Variants in KCMF1 observed in about 807,000 individuals in gnomAD.
KCMF1 encodes the protein potassium channel modulatory factor 1.
Under a neutral mutation model 41.1 loss-of-function variants are expected in KCMF1, and 3 were observed. The observed-to-expected ratio is 0.07, with a 90% CI of 0.03 to 0.19. The LOEUF is 0.19. Among genes scored for constraint, KCMF1 ranks in the 10% least tolerant of loss-of-function variants. KCMF1 has a pLI of 1.00. For missense variants in KCMF1, 286 were observed against 488.9 expected, an observed-to-expected ratio of 0.58 and a Z score of 3.91; for synonymous variants, 142 against 164.5, an observed-to-expected ratio of 0.86 and a Z score of 1.04.
At chr2:85,038,479 C>G (rs1337834015) in intron 3 of KCMF1, among the ~76,000 whole-genome samples, 1 of 152,150 alleles carries the variant, frequency 6.6e-6, no homozygotes, top group African/African-American at 2.4e-5. Flanking sequence ...GAATTTCAGT[C>G]TTGTATTCAT....
chr2:85,041,005 C>T (rs934820976), intron 3 of KCMF1, among the ~76,000 whole-genome samples: 2 of 151,968 alleles, frequency 1.3e-5, no homozygotes, highest in Non-Finnish European at 2.9e-5. Context: ...TGTGATCCAC[C>T]CACCTCAGCC....
intron 1 of KCMF1, among the ~76,000 whole-genome samples, chr2:85,005,140 C>T (rs1674435652): frequency 6.6e-6 from 1 of 152,114 alleles, no homozygotes; most frequent in Non-Finnish European, 1.5e-5. Context: ...CTCCTGACCT[C>T]ACAAGATCCA....
intron 1 of KCMF1, among the ~76,000 whole-genome samples, chr2:85,001,884 A>G (rs150885325): frequency 6.0e-4 from 91 of 152,304 alleles, no homozygotes; most frequent in African/African-American, 2.2e-3. Context: ...GGCTATATGG[A>G]TAGCTTGTTG....
chr2:85,011,673 A>G (rs553313060), intron 1 of KCMF1, among the ~76,000 whole-genome samples: 1 of 152,304 alleles, frequency 6.6e-6, no homozygotes, highest in African/African-American at 2.4e-5. Flanking sequence ...TGCCAGAAAG[A>G]TGCTGACCTC....
At chr2:85,031,446 C>T (rs958371134) in intron 2 of KCMF1, among the ~76,000 whole-genome samples, 1 of 152,068 alleles carries the variant, frequency 6.6e-6, no homozygotes, top group African/African-American at 2.4e-5. Flanking sequence ...AATATATGTT[C>T]AGTAGAAACA....
At chr2:85,007,629 G>A (rs1674504890) in intron 1 of KCMF1, among the ~76,000 whole-genome samples, 1 of 152,204 alleles carries the variant, frequency 6.6e-6, no homozygotes. Context: ...CATCACTTGG[G>A]CAGGACCAGC....
At chr2:85,043,742 A>T in intron 4 of KCMF1, 77 bp downstream of exon 4, 1 of 1,008,944 alleles carries the variant, frequency 9.9e-7, no homozygotes, top group Non-Finnish European at 1.5e-6. Context: ...TGGAGACAAG[A>T]TCTCGCTGTG....
intron 2 of KCMF1, among the ~76,000 whole-genome samples, chr2:85,028,954 A>G (rs1574033836): frequency 6.6e-6 from 1 of 152,084 alleles, no homozygotes; most frequent in East Asian, 1.9e-4. Context: ...ACACACAAAT[A>G]ATAGCTTTAT....
intron 2 of KCMF1, among the ~76,000 whole-genome samples, chr2:85,032,663 C>A (rs1396215077): frequency 6.6e-6 from 1 of 152,162 alleles, no homozygotes; most frequent in Non-Finnish European, 1.5e-5. Flanking sequence ...AGATGTGAGC[C>A]ACCAAGCCCA....
chr2:85,050,253 TA>T, intron 6 of KCMF1, among the ~76,000 whole-genome samples: 1 of 152,340 alleles, frequency 6.6e-6, no homozygotes. Flanking sequence ...ATTATATATA[TA>T]TGGTTCATAT....
At chr2:85,000,911 T>C (rs536736225) in intron 1 of KCMF1, among the ~76,000 whole-genome samples, 3 of 151,660 alleles carry the variant, frequency 2.0e-5, no homozygotes, top group East Asian at 3.9e-4. Context: ...CCTGAGTAGG[T>C]AGGGCTACAG....
intron 2 of KCMF1, among the ~76,000 whole-genome samples, chr2:85,028,837 T>C (rs562995256): frequency 1.1e-4 from 16 of 152,306 alleles, no homozygotes; most frequent in African/African-American, 3.8e-4. Flanking sequence ...AATCATAGTT[T>C]ACTTGTTTAA....
intron 1 of KCMF1, among the ~76,000 whole-genome samples, chr2:84,974,658 CATATATAT>C (rs71392939): frequency 0.011 from 328 of 29,336 alleles, 2 homozygotes; most frequent in South Asian, 0.023. Flanking sequence ...ATTTTAATTT[CATATATAT>C]ATATATATAT....
At chr2:85,037,284 A>C (rs902673448) in intron 3 of KCMF1, among the ~76,000 whole-genome samples, 1 of 152,136 alleles carries the variant, frequency 6.6e-6, no homozygotes, top group Non-Finnish European at 1.5e-5. Context: ...TCCCACCCAT[A>C]CACCTAGACA....
chr2:85,034,896 G>T, intron 2 of KCMF1, 120 bp from the exon 3 acceptor site: 1 of 774,238 alleles, frequency 1.3e-6, no homozygotes, highest in Non-Finnish European at 2.0e-6. Flanking sequence ...TGCTGGGATT[G>T]CAGGCATGAA....
chr2:85,022,005 TGG>T (rs752403790), intron 1 of KCMF1, among the ~76,000 whole-genome samples: 9 of 151,804 alleles, frequency 5.9e-5, no homozygotes, highest in Non-Finnish European at 1.0e-4. Flanking sequence ...TTAGTAGAGA[TGG>T]GGTTTCACCA....
At chr2:85,023,677 T>G (rs1165437053) in intron 1 of KCMF1, among the ~76,000 whole-genome samples, 1 of 152,192 alleles carries the variant, frequency 6.6e-6, no homozygotes, top group Non-Finnish European at 1.5e-5. Flanking sequence ...TTCTTCCACA[T>G]TCTCTAGGTG....
At chr2:84,973,600 G>T (rs1368789027) in intron 1 of KCMF1, among the ~76,000 whole-genome samples, 2 of 152,108 alleles carry the variant, frequency 1.3e-5, no homozygotes, top group African/African-American at 4.8e-5. Flanking sequence ...TATGGCCTAA[G>T]ACAGGAATAG....
chr2:85,016,047 G>A (rs1377641968), intron 1 of KCMF1, among the ~76,000 whole-genome samples: 1 of 152,174 alleles, frequency 6.6e-6, no homozygotes, highest in Non-Finnish European at 1.5e-5. Context: ...TAGAAAAGCC[G>A]ATTTCCAGTC....
Sources: allele counts gnomAD v4.1 joint callset (sites outside exome capture counted in the v4.1 genomes callset), GRCh38; gene constraint gnomAD v4.1.1; transcripts MANE v1.5; gene names NCBI Gene and HGNC (gene_info 2026-07-23, HGNC 2026-07-21).